Variants in TMC1 observed in about 807,000 individuals in gnomAD.
The protein encoded by TMC1 is transmembrane channel like 1.
TMC1 carries 84 observed loss-of-function variants against 105.8 expected under a neutral mutation model. That is an observed-to-expected ratio of 0.79 (90% CI 0.67 to 0.95). The LOEUF (loss-of-function observed/expected upper bound fraction) is 0.95, where lower values mean the gene tolerates loss of function less well. TMC1 is among the 40% of genes least tolerant of loss of function. The probability of loss-of-function intolerance (pLI) is 0.00; values close to 1 mark genes in which losing one functional copy is unlikely to be tolerated. For missense variants in TMC1, 817 were observed against 914.1 expected (o/e 0.89, Z 1.37); for synonymous variants, 315 against 311.5 (o/e 1.01, Z -0.12).
intron 17 of TMC1, among the ~76,000 whole-genome samples, chr9:72,794,280 T>C (rs1334420962): frequency 6.6e-6 from 1 of 152,022 alleles, no homozygotes; most frequent in Non-Finnish European, 1.5e-5. Context: ...AGAAGAAACA[T>C]AACGCTGAGA....
intron 17 of TMC1, among the ~76,000 whole-genome samples, chr9:72,798,748 C>T (rs189283341): frequency 6.6e-6 from 1 of 151,940 alleles, no homozygotes; most frequent in Non-Finnish European, 1.5e-5. Flanking sequence ...GGTTTAATAC[C>T]TGGGTGATAA....
At chr9:72,605,579 T>A (rs930098172) in intron 2 of TMC1, among the ~76,000 whole-genome samples, 2 of 137,888 alleles carry the variant, frequency 1.5e-5, no homozygotes, top group Non-Finnish European at 3.1e-5. Context: ...AGATTAATTT[T>A]TTTTTTTTTT....
At chr9:72,680,331 T>G (rs1826265991) in intron 5 of TMC1, among the ~76,000 whole-genome samples, 1 of 152,118 alleles carries the variant, frequency 6.6e-6, no homozygotes, top group African/African-American at 2.4e-5. Context: ...TATTGCAAGT[T>G]GAGTCTGTGA....
At chr9:72,667,826 T>A (rs1328966615) in intron 5 of TMC1, among the ~76,000 whole-genome samples, 1 of 152,236 alleles carries the variant, frequency 6.6e-6, no homozygotes, top group Non-Finnish European at 1.5e-5. Flanking sequence ...ATTTCCAGTT[T>A]GTTCAGCGTT....
intron 8 of TMC1, among the ~76,000 whole-genome samples, chr9:72,711,692 C>G (rs1826840266): frequency 6.6e-6 from 1 of 152,144 alleles, no homozygotes; most frequent in Non-Finnish European, 1.5e-5. Context: ...GGATAGATTG[C>G]AAATATTTTC....
chr9:72,730,454 T>C (rs993049997), intron 8 of TMC1, among the ~76,000 whole-genome samples: 6 of 152,206 alleles, frequency 3.9e-5, no homozygotes, highest in African/African-American at 1.4e-4. Context: ...TATCATTTTC[T>C]GAGCCCAACA....
At chr9:72,814,896 TTGTGTGTGTGTGTGTGTGTGTGTGTG>T (rs57564294) in intron 18 of TMC1, among the ~76,000 whole-genome samples, 3 of 119,172 alleles carry the variant, frequency 2.5e-5, no homozygotes, top group Non-Finnish European at 3.5e-5. Flanking sequence ...TGGATCATCT[TTGTGTGTGTGTGTGTGTGTGTGTGTG>T]TGTGTGTGTG....
At chr9:72,806,049 G>C (rs1828571078) in intron 18 of TMC1, among the ~76,000 whole-genome samples, 1 of 152,040 alleles carries the variant, frequency 6.6e-6, no homozygotes, top group South Asian at 2.1e-4. Context: ...CATTCTCAAT[G>C]AGCTGTTGGG....
intron 1 of TMC1, among the ~76,000 whole-genome samples, chr9:72,558,271 C>T (rs1823979083): frequency 6.6e-6 from 1 of 152,180 alleles, no homozygotes; most frequent in South Asian, 2.1e-4. Context: ...AATTCCCAAT[C>T]ACTCTCCTTA....
At chr9:72,770,220 C>T (rs932790762) in intron 12 of TMC1, among the ~76,000 whole-genome samples, 10 of 151,344 alleles carry the variant, frequency 6.6e-5, no homozygotes, top group Non-Finnish European at 1.3e-4. Flanking sequence ...GGATGGCATC[C>T]TAGTCAGGGT....
In TMC1 at chr9:72,701,732, T is replaced by C. The variant is rs117449144; in HGVS notation, c.362+1089T>C. ...ATCGCTTAATCTCCTGAAGCCTTAG[T>C]TACCTCATATCCAAAATAAAGAAAG... On this transcript the variant is annotated intron_variant, in intron 8 of 23. Coordinates refer to ENST00000297784, the MANE Select transcript of TMC1 (RefSeq NM_138691.3). Among the ~76,000 whole-genome samples the C allele has an allele frequency of 1.0e-3, 157 of 152,340 alleles. 8 individuals carry two copies. In the East Asian group the frequency reaches 0.027, roughly 26 times the overall value.
chr9:72,767,803 G>A (rs141115059), intron 12 of TMC1, among the ~76,000 whole-genome samples: 5 of 152,300 alleles, frequency 3.3e-5, no homozygotes, highest in Middle Eastern at 3.4e-3. Flanking sequence ...AAAGCAGCAC[G>A]TGCTGATATC....
At chr9:72,712,375 A>G (rs1288939829) in intron 8 of TMC1, among the ~76,000 whole-genome samples, 3 of 152,086 alleles carry the variant, frequency 2.0e-5, no homozygotes, top group Non-Finnish European at 4.4e-5. Context: ...AGCCATTTTC[A>G]CGATATTGAT....
At chr9:72,532,919 T>C (rs1215151625) in intron 1 of TMC1, among the ~76,000 whole-genome samples, 1 of 152,222 alleles carries the variant, frequency 6.6e-6, no homozygotes, top group Non-Finnish European at 1.5e-5. Flanking sequence ...TCTGAATTGC[T>C]AAAAGGGAGT....
intron 5 of TMC1, among the ~76,000 whole-genome samples, chr9:72,661,444 C>G (rs1825968739): frequency 6.6e-6 from 1 of 152,208 alleles, no homozygotes; most frequent in Non-Finnish European, 1.5e-5. Flanking sequence ...TTTTATTTGA[C>G]TGGAGCAATC....
intron 4 of TMC1, among the ~76,000 whole-genome samples, chr9:72,646,296 T>G (rs1341438262): frequency 1.3e-5 from 2 of 152,218 alleles, no homozygotes; most frequent in Non-Finnish European, 2.9e-5. Flanking sequence ...TATTAAATTT[T>G]CTGAGTCATA....
chr9:72,555,551 G>T (rs1823916213), intron 1 of TMC1, among the ~76,000 whole-genome samples: 1 of 152,076 alleles, frequency 6.6e-6, no homozygotes, highest in African/African-American at 2.4e-5. Context: ...TGATGTGGAT[G>T]GTAGGAGAAA....
At chr9:72,626,836 A>C (rs1306366923) in intron 3 of TMC1, among the ~76,000 whole-genome samples, 1 of 152,198 alleles carries the variant, frequency 6.6e-6, no homozygotes, top group East Asian at 1.9e-4. Flanking sequence ...TTGCCACATC[A>C]TGGGCCCTCT....
intron 1 of TMC1, among the ~76,000 whole-genome samples, chr9:72,546,502 T>C (rs1345456400): frequency 6.6e-6 from 1 of 152,210 alleles, no homozygotes; most frequent in Non-Finnish European, 1.5e-5. Flanking sequence ...CAGACCAGCA[T>C]ATTTTGTTAT....
Sources: allele counts gnomAD v4.1 joint callset (sites outside exome capture counted in the v4.1 genomes callset), GRCh38; gene constraint gnomAD v4.1.1; transcripts MANE v1.5; gene names NCBI Gene and HGNC (gene_info 2026-07-23, HGNC 2026-07-21).